The following GON4L variants were observed in gnomAD, a reference collection of about 807,000 sequenced individuals.
GON4L encodes GON-4-like protein.
A neutral mutation model predicts 211.8 loss-of-function variants in GON4L; 87 were observed. That is an observed-to-expected ratio of 0.41 (90% CI 0.35 to 0.49). GON4L has a LOEUF of 0.49. Ranked by LOEUF, GON4L falls within the 20% of genes least tolerant of loss-of-function variation. The probability of loss-of-function intolerance (pLI) is 0.15; values close to 1 mark genes in which losing one functional copy is unlikely to be tolerated. For missense variants in GON4L, 2,155 were observed against 2,659.5 expected (o/e 0.81, Z 4.17); for synonymous variants, 875 against 962.6 (o/e 0.91, Z 1.68).
Position 155,760,540 on chromosome 1 carries a change from G to A in GON4L, c.5013C>T (p.Leu1671=), listed in dbSNP as rs1454497835. 6.2e-7 allele frequency: 1 copy of A among 1,613,148 alleles called. No homozygotes were observed. Among genetic ancestry groups the A allele is most frequent in the Non-Finnish European group, 8.5e-7 (1 of 1,179,104 alleles). The change falls in exon 24 of 32, where the codon CTC becomes CTT. Residue 1671 remains leucine (L), a synonymous_variant. Transcript: ENST00000368331. ...SSTQRRTAVD[L]YKSLQILLQD... ...GGAGCAGAATTTGCAGGCTTTTGTA[G>A]AGATCTACAGCCGTCCGTCTCTGGG...
intron 10 of GON4L, among the ~76,000 whole-genome samples, chr1:155,809,983 T>TATAAATTATAAATTATATAC (rs1667571881): frequency 2.0e-5 from 1 of 49,390 alleles, no homozygotes; most frequent in Non-Finnish European, 3.7e-5. Context: ...AAATTATATA[T>TATAAATTATAAATTATATAC]ATATATAATT....
chr1:155,788,136 C>T (rs1359590322), intron 12 of GON4L, among the ~76,000 whole-genome samples: 1 of 152,124 alleles, frequency 6.6e-6, no homozygotes, highest in East Asian at 1.9e-4. Context: ...GGACTACAGG[C>T]ATGCGCCACC....
At chr1:155,752,815 A>T (rs1660747334) in intron 29 of GON4L, among the ~76,000 whole-genome samples, 1 of 152,148 alleles carries the variant, frequency 6.6e-6, no homozygotes, top group Admixed American at 6.5e-5. Flanking sequence ...TCTACAAGAA[A>T]ATATAAATAA....
intron 16 of GON4L, 63 bp from the exon 17 acceptor site, chr1:155,775,236 C>T (rs886232014): frequency 2.5e-6 from 4 of 1,608,498 alleles, no homozygotes; most frequent in Non-Finnish European, 3.4e-6. Flanking sequence ...CAGTAGCCTT[C>T]AGAATCTAAA....
intron 18 of GON4L, among the ~76,000 whole-genome samples, chr1:155,771,858 A>C (rs1663222877): frequency 6.6e-6 from 1 of 152,162 alleles, no homozygotes; most frequent in Non-Finnish European, 1.5e-5. Flanking sequence ...GTGAGTACTG[A>C]TTAAGTATTA....
Position 155,835,883 on chromosome 1 carries a change from G to A in GON4L, c.506-8855C>T, listed in dbSNP as rs1670246100. ...TTGGGGTTCACCTGCGTCATTCCTT[G>A]GTGACCATGAAGAGACCAATAATAA... On this transcript the variant is annotated intron_variant, in intron 2 of 31. Coordinates refer to ENST00000368331, the MANE Select transcript of GON4L (RefSeq NM_001282860.2). Among the ~76,000 whole-genome samples, 5 of 152,286 alleles carry A rather than the reference G, an allele frequency of 3.3e-5. No homozygotes were observed. In the South Asian group the frequency reaches 1.0e-3, roughly 32 times the overall value.
chr1:155,839,167 A>G (rs1670565642), intron 2 of GON4L, among the ~76,000 whole-genome samples: 1 of 152,214 alleles, frequency 6.6e-6, no homozygotes, highest in African/African-American at 2.4e-5. Flanking sequence ...CCAGGTAGAA[A>G]GGAACCAGTA....
At position 155,813,787 on chromosome 1, in the gene GON4L, T is replaced by C. The variant is rs1414474005; in HGVS notation, c.1299A>G (p.Thr433=). Residue 433 remains threonine (T), a synonymous_variant, in exon 10 of 32, where the codon ACA becomes ACG. Transcript: ENST00000368331. ...GILSEAEKVT[T]PAIRHISAEV... is the part of the protein sequence containing the mutation. ...CAGCACTGATGTGCCTGATGGCTGG[T>C]GTGGTGACTTTCTCAGCCTGATTAA... 3 of 1,613,672 alleles carry C rather than the reference T, an allele frequency of 1.9e-6. No individual in the cohort carries two copies. The highest frequency in any genetic ancestry group is 2.5e-6 in the Non-Finnish European group (3 of 1,179,862).
At chr1:155,833,048 T>A (rs1669948485) in intron 2 of GON4L, 1 of 151,538 alleles carries the variant, frequency 6.6e-6, no homozygotes, top group Non-Finnish European at 1.5e-5. Context: ...TATATACAAC[T>A]AATTAAAGTG....
rs1338574351 is a variant in GON4L, at chr1:155,766,157, C to A, written c.3316G>T (p.Ala1106Ser). 6.2e-7 allele frequency: 1 copy of A among 1,613,898 alleles called. No homozygotes were observed. The highest frequency in any genetic ancestry group is 2.2e-5 in the East Asian group (1 of 44,884). Residue 1106 changes from alanine (A) to serine (S), a missense_variant, in exon 21 of 32, where the codon GCC (alanine) becomes TCC (serine). Ala to Ser is a moderately conservative substitution (Grantham distance 99). This residue lies in a region of GON4L where 615 missense variants were observed against 625.7 expected (regional missense o/e 0.98). Coordinates refer to ENST00000368331, the MANE Select transcript of GON4L (RefSeq NM_001282860.2). The stretch of plus-strand genomic sequence containing the variant: ...TATGGCTTTCGAAACTTAGAAGGGG[C>A]AAGGGAGGGCAGCATTACCTTGGGC... ...PVPKVMLPSLAPSKFRKPYVR... is the reference protein window; with the variant it reads ...PVPKVMLPSLSPSKFRKPYVR...
Position 155,767,509 on chromosome 1 carries a change from T to C in GON4L, c.2679A>G (p.Leu893=), listed in dbSNP as rs1430339369. ...GCTGGATCTCTTCACAGCATTTTCC[T>C]AGGACTGGCAGCTGTTTGGTCTTCT... ...FYKKTKQLPV[L]GKCCEEIQPH... The change falls in exon 20 of 32, where the codon CTA becomes CTG. Residue 893 remains leucine (L), a synonymous_variant. Transcript: ENST00000368331. 1 of 1,610,698 alleles carries C rather than the reference T, an allele frequency of 6.2e-7. No homozygotes were observed. Among genetic ancestry groups the C allele is most frequent in the Admixed American group, 1.7e-5 (1 of 59,864 alleles).
intron 2 of GON4L, among the ~76,000 whole-genome samples, chr1:155,848,531 AAC>A (rs968136290): frequency 6.6e-6 from 1 of 152,190 alleles, no homozygotes; most frequent in African/African-American, 2.4e-5. Context: ...TTCCCACACA[AAC>A]ACAGCATTTC....
intron 18 of GON4L, among the ~76,000 whole-genome samples, chr1:155,772,081 G>T (rs948062393): frequency 2.6e-5 from 4 of 151,740 alleles, no homozygotes; most frequent in African/African-American, 7.3e-5. Flanking sequence ...TTGAAACCGG[G>T]GGCGAAGGTT....
chr1:155,749,187 G>A, downstream of GON4L: 5 of 1,171,740 alleles, frequency 4.3e-6, no homozygotes, highest in Non-Finnish European at 6.1e-6. Flanking sequence ...GGGAGGTGGA[G>A]GTTGCAGTGA....
At chr1:155,821,202 C>G (rs1159836810) in intron 5 of GON4L, among the ~76,000 whole-genome samples, 1 of 151,746 alleles carries the variant, frequency 6.6e-6, no homozygotes, top group East Asian at 1.9e-4. Flanking sequence ...GGAGGCGGAG[C>G]TTGCAATGAG....
At chr1:155,810,534 C>A (rs1001504848) in intron 10 of GON4L, among the ~76,000 whole-genome samples, 1 of 151,062 alleles carries the variant, frequency 6.6e-6, no homozygotes, top group East Asian at 2.0e-4. Context: ...AGTGAAACCC[C>A]GTCTCTACCA....
chr1:155,764,981 AAT>A lies in GON4L; in HGVS notation c.4473+17_4473+18del, dbSNP rs1396331522. On this transcript the variant is annotated intron_variant, in intron 21 of 31. Coordinates refer to ENST00000368331, the MANE Select transcript of GON4L (RefSeq NM_001282860.2). ...TTACTGAGTCCACGAAATACTTGAGAATATTCTCCAGCTCTCACCTGGAGTTC... is the reference window on the plus strand; with the variant it reads ...TTACTGAGTCCACGAAATACTTGAGAATTCTCCAGCTCTCACCTGGAGTTC... The A allele has an allele frequency of 6.2e-7, 1 of 1,613,900 alleles. No homozygotes were observed. Among genetic ancestry groups the A allele is most frequent in the African/African-American group, 1.3e-5 (1 of 74,924 alleles).
chr1:155,833,058 G>A (rs1323551504), intron 2 of GON4L: 1 of 151,906 alleles, frequency 6.6e-6, no homozygotes, highest in Admixed American at 6.6e-5. Context: ...TAATTAAAGT[G>A]CAAAGTAGTA....
intron 2 of GON4L, among the ~76,000 whole-genome samples, chr1:155,840,154 T>G (rs930146008): frequency 1.3e-5 from 2 of 152,234 alleles, no homozygotes; most frequent in African/African-American, 4.8e-5. Flanking sequence ...TTTCTTGACA[T>G]GTCTAAATTT....
Sources: allele counts gnomAD v4.1 joint callset (sites outside exome capture counted in the v4.1 genomes callset), GRCh38; gene constraint gnomAD v4.1.1; regional missense constraint gnomAD v4.1.1; transcripts MANE v1.5; gene names NCBI Gene and HGNC (gene_info 2026-07-23, HGNC 2026-07-21).